Variants in BAZ2A observed in about 807,000 individuals in gnomAD.
BAZ2A encodes the protein bromodomain adjacent to zinc finger domain 2A, also known as bromodomain adjacent to zinc finger domain protein 2A.
BAZ2A carries 34 observed loss-of-function variants against 199.9 expected under a neutral mutation model. The ratio of observed to expected loss-of-function variants is 0.17; its 90% CI spans 0.13 to 0.23. BAZ2A has a LOEUF of 0.23. Among genes scored for constraint, BAZ2A ranks in the 10% least tolerant of loss-of-function variants. The pLI is 1.00. For synonymous variants in BAZ2A, 857 were observed against 883.9 expected (o/e 0.97, Z 0.54); for missense variants, 2,002 against 2,391.1 (o/e 0.84, Z 3.39).
At chr12:56,609,624 T>C in intron 10 of BAZ2A, 112 bp downstream of exon 10, 8 of 1,184,168 alleles carry the variant, frequency 6.8e-6, no homozygotes, top group East Asian at 2.6e-5. Context: ...AGATTCATTC[T>C]TCCCAGATAA....
chr12:56,636,041 CT>C, intron 1 of BAZ2A: 1 of 1,074,002 alleles, frequency 9.3e-7, no homozygotes. Context: ...TAGCTGAGCC[CT>C]GTGCCCCCCG....
In BAZ2A at chr12:56,625,318, G is replaced by C. The variant is rs1951052511; in HGVS notation, c.-3+4807C>G. Among the ~76,000 whole-genome samples, 3 of 151,524 alleles carry C rather than the reference G, an allele frequency of 2.0e-5. No homozygotes were observed. The South Asian group carries it at 6.2e-4, about 32-fold the overall frequency. The stretch of plus-strand genomic sequence containing the variant: ...TTACAGGCGCCCACCATCACACCCG[G>C]CTAATTTTCATATTTTTAGTAGAGA... On this transcript the variant is annotated intron_variant, in intron 1 of 28. Coordinates refer to ENST00000549884, the MANE Select transcript of BAZ2A (RefSeq NM_001300905.2).
At position 56,630,262 on chromosome 12, in the gene BAZ2A, G is replaced by C. The variant is rs952789716; in HGVS notation, c.-140C>G. 4.8e-5 allele frequency: 47 copies of C among 983,138 alleles called. No individual in the cohort carries two copies. The highest frequency in any genetic ancestry group is 5.3e-5 in the Non-Finnish European group (44 of 827,892). 60.9% of individuals were successfully genotyped at this position (983,138 alleles called of 1,614,324 possible). On this transcript the variant is annotated 5_prime_UTR_variant, in exon 1 of 29. Transcript: ENST00000549884. ...GGTCTGGGGTCCGGGGTTCGGGAAG[G>C]GGGAGGGGGACGCGGCTCAACCGCG...
intron 23 of BAZ2A, 29 bp downstream of exon 23, chr12:56,600,652 C>A (rs1886369117): frequency 6.2e-7 from 1 of 1,605,122 alleles, no homozygotes; most frequent in Non-Finnish European, 8.5e-7. Context: ...TTTCCCCAAC[C>A]TTCCTACACA....
At chr12:56,611,264 T>C (rs139811249) in intron 7 of BAZ2A, 1 of 470,750 alleles carries the variant, frequency 2.1e-6, no homozygotes, top group Admixed American at 3.9e-5. Context: ...TCCACAGAAA[T>C]AGGACAAGCC....
chr12:56,597,459 A>G lies in BAZ2A; in HGVS notation c.*1159T>C, dbSNP rs1410399254. On this transcript the variant is annotated 3_prime_UTR_variant, in exon 29 of 29. Coordinates refer to ENST00000549884, the MANE Select transcript of BAZ2A (RefSeq NM_001300905.2). Reference sequence around the variant, plus strand: ...AGAAATTGTTCCTGTGGTTTCCCAAAGACAAAAAAGTGATGGTTTTAAACA... The same window carrying G: ...AGAAATTGTTCCTGTGGTTTCCCAAGGACAAAAAAGTGATGGTTTTAAACA... 2 of 152,374 alleles carry G rather than the reference A, an allele frequency of 1.3e-5. No individual in the cohort carries two copies. Among genetic ancestry groups the G allele is most frequent in the Non-Finnish European group, 2.9e-5 (2 of 68,042 alleles). The allele number at this position is 152,374 out of a possible 1,614,324, so 9.4% of individuals were successfully genotyped here. A position where few individuals can be genotyped will look rare whatever the true frequency, so the allele number is the denominator to read the frequency against.
rs1437951164 is a variant in BAZ2A, at chr12:56,601,721, G to A, written c.3896C>T (p.Pro1299Leu). Residue 1299 changes from proline (P) to leucine (L), a missense_variant, in exon 20 of 29, where the codon CCA (proline) becomes CTA (leucine). Around this residue, in one of 6 missense-constraint regions of BAZ2A, gnomAD observed 1,081 missense variants for 1,274.7 expected, o/e 0.85. Coordinates refer to ENST00000549884, the MANE Select transcript of BAZ2A (RefSeq NM_001300905.2). ...CTCTGGCTCCTCCGGGGGTTGTGATGGAGCTGGGTCTAGTTTTCCCGGACT... is the reference window on the plus strand; with the variant it reads ...CTCTGGCTCCTCCGGGGGTTGTGATAGAGCTGGGTCTAGTTTTCCCGGACT... ...DSSPGKLDPA[P>L]SQPPEEPEPD... 6.2e-7 allele frequency: 1 copy of A among 1,614,002 alleles called. No individual in the cohort carries two copies. Among genetic ancestry groups the A allele is most frequent in the East Asian group, 2.2e-5 (1 of 44,888 alleles).
chr12:56,613,226 C>A lies in BAZ2A; in HGVS notation c.924G>T (p.Val308=), dbSNP rs776548816. ...CATCAATACCATATAGTCCTCCACTCACTGGCTCTGTTTACAAGGGTAGAA... is the reference window on the plus strand; with the variant it reads ...CATCAATACCATATAGTCCTCCACTAACTGGCTCTGTTTACAAGGGTAGAA... ...EPFNSLAPEP[V]SGGLYGIDDT... Residue 308 remains valine (V), a synonymous_variant, in exon 5 of 29, where the codon GTG becomes GTT. Coordinates refer to ENST00000549884, the MANE Select transcript of BAZ2A (RefSeq NM_001300905.2). 2.5e-6 allele frequency: 4 copies of A among 1,613,940 alleles called. No individual in the cohort carries two copies. The South Asian group carries it at 4.4e-5, about 18-fold the overall frequency.
At chr12:56,623,025 A>G (rs2137234666) in intron 1 of BAZ2A, among the ~76,000 whole-genome samples, 1 of 152,206 alleles carries the variant, frequency 6.6e-6, no homozygotes, top group East Asian at 1.9e-4. Context: ...TCACGAGGTC[A>G]AGAGATCGAG....
At position 56,610,533 on chromosome 12, in the gene BAZ2A, A is replaced by G. The variant is rs1389259994; in HGVS notation, c.1671-16T>C. 1 of 1,603,614 alleles carries G rather than the reference A, an allele frequency of 6.2e-7. No individual in the cohort carries two copies. Among genetic ancestry groups the G allele is most frequent in the African/African-American group, 1.3e-5 (1 of 74,716 alleles). On this transcript the variant is annotated splice_polypyrimidine_tract_variant and intron_variant, in intron 7 of 28. Transcript: ENST00000549884. ...TCTCCGCCACCTGCCAGAGAAGCAC[A>G]TGGGCCCTGCCGCCAGGTCACACCC...
At chr12:56,634,984 A>C, upstream of BAZ2A, 14 of 984,316 alleles carry the variant, frequency 1.4e-5, no homozygotes, top group Non-Finnish European at 1.7e-5. Context: ...CGGCGGCGGC[A>C]GAGGCGCAGG....
chr12:56,630,263 G>C lies in BAZ2A; in HGVS notation c.-141C>G. 2.0e-6 allele frequency: 2 copies of C among 983,138 alleles called. No homozygotes were observed. The highest frequency in any genetic ancestry group is 4.7e-5 in the South Asian group (1 of 21,256). The allele number at this position is 983,138 out of a possible 1,614,324, so 60.9% of individuals were successfully genotyped here. A position where few individuals can be genotyped will look rare whatever the true frequency, so the allele number is the denominator to read the frequency against. ...GTCTGGGGTCCGGGGTTCGGGAAGG[G>C]GGAGGGGGACGCGGCTCAACCGCGG... On this transcript the variant is annotated 5_prime_UTR_variant, in exon 1 of 29. Coordinates refer to ENST00000549884, the MANE Select transcript of BAZ2A (RefSeq NM_001300905.2).
In BAZ2A at chr12:56,596,610, CAGGGGAAAATTGCCA is replaced by C. The variant is rs1885863137; in HGVS notation, c.*1993_*2007del. The C allele has an allele frequency of 2.0e-5, 3 of 152,552 alleles. No individual in the cohort carries two copies. Among genetic ancestry groups the C allele is most frequent in the Middle Eastern group, 3.4e-3 (1 of 294 alleles). The allele number at this position is 152,552 out of a possible 1,614,324, so 9.4% of individuals were successfully genotyped here. A position where few individuals can be genotyped will look rare whatever the true frequency, so the allele number is the denominator to read the frequency against. ...GAAATTAATCTAGCACATCTTATAC[CAGGGGAAAATTGCCA>C]GGGGGAAAAAGCAGAGCCCCCAACT... On this transcript the variant is annotated 3_prime_UTR_variant, in exon 29 of 29. Transcript: ENST00000549884.
intron 16 of BAZ2A, 129 bp from the exon 17 acceptor site, chr12:56,603,829 A>G: frequency 9.9e-7 from 1 of 1,012,846 alleles, no homozygotes; most frequent in Non-Finnish European, 1.4e-6. Context: ...CCTGGCCAAC[A>G]TGGTGAAACC....
Position 56,606,638 on chromosome 12 carries a change from C to T in BAZ2A, c.2188G>A (p.Gly730Arg). ...ATCTCTCTGATGTCCCTCACCTGCC[C>T]TTGGATAGTAGTCTGACACTCTCCC... Reference protein sequence around the residue: ...QRGECQTTIQGQARNKRKQET... With the variant: ...QRGECQTTIQRQARNKRKQET... The change falls in exon 11 of 29, where the codon GGG (glycine) becomes AGG (arginine). Residue 730 changes from glycine to arginine, a missense_variant. Gly to Arg is a moderately radical substitution (Grantham distance 125, BLOSUM62 -2). Coordinates refer to ENST00000549884, the MANE Select transcript of BAZ2A (RefSeq NM_001300905.2). 2.5e-6 allele frequency: 4 copies of T among 1,613,598 alleles called. No individual in the cohort carries two copies. Among genetic ancestry groups the T allele is most frequent in the Non-Finnish European group, 3.4e-6 (4 of 1,179,580 alleles).
Position 56,635,552 on chromosome 12 carries a change from C to T in BAZ2A, c.4+630G>A, listed in dbSNP as rs1183679062. Among the ~76,000 whole-genome samples the T allele has an allele frequency of 1.3e-5, 2 of 152,202 alleles. No homozygotes were observed. The highest frequency in any genetic ancestry group is 1.3e-4 in the Admixed American group (2 of 15,284). ...TCCTATCCTCTCAACCTCAATCCTG[C>T]GTCCCACTCAGTGCCCTCAGTGACT... On this transcript the variant is annotated intron_variant, in intron 1 of 29. Coordinates refer to the BAZ2A transcript ENST00000379441. This position sits in a 1 kb window ranked among gnomAD's most constrained non-coding sequence, Gnocchi z 4.1.
intron 1 of BAZ2A, among the ~76,000 whole-genome samples, chr12:56,624,055 C>T (rs1225257998): frequency 3.3e-5 from 5 of 150,186 alleles, no homozygotes; most frequent in South Asian, 2.1e-4. Context: ...GACTGGCCTG[C>T]GCAACACAGT....
Position 56,606,244 on chromosome 12 carries a change from T to G in BAZ2A, c.2259+3A>C. The G allele has an allele frequency of 5.6e-6, 9 of 1,614,062 alleles. No homozygotes were observed. Among genetic ancestry groups the G allele is most frequent in the Non-Finnish European group, 7.6e-6 (9 of 1,179,892 alleles). On this transcript the variant is annotated splice_donor_region_variant and intron_variant, in intron 12 of 28. Coordinates refer to ENST00000549884, the MANE Select transcript of BAZ2A (RefSeq NM_001300905.2). ...TACTTGGCAAGTTTGTACATGCACC[T>G]ACCTTGGATTTCTTCTTAGCTTCCT...
Position 56,595,884 on chromosome 12 carries a change from C to T in BAZ2A, c.*2734G>A, listed in dbSNP as rs1032652166. The T allele has an allele frequency of 2.5e-5, 3 of 120,624 alleles. No homozygotes were observed. The Admixed American group carries it at 3.0e-4, about 12-fold the overall frequency. The allele number at this position is 120,624 out of a possible 1,614,324, so 7.5% of individuals were successfully genotyped here. A position where few individuals can be genotyped will look rare whatever the true frequency, so the allele number is the denominator to read the frequency against. On this transcript the variant is annotated 3_prime_UTR_variant, in exon 29 of 29. Coordinates refer to ENST00000549884, the MANE Select transcript of BAZ2A (RefSeq NM_001300905.2). ...TCATACCTATCCCAACGCCGTCTCC[C>T]CCTCAGGTGTGTAGAAGGGAAGATG... is the stretch of plus-strand genomic sequence containing the variant.
Sources: allele counts gnomAD v4.1 joint callset (sites outside exome capture counted in the v4.1 genomes callset), GRCh38; gene constraint gnomAD v4.1.1; regional missense constraint gnomAD v4.1.1; non-coding constraint Gnocchi (gnomAD v3.1); transcripts MANE v1.5; gene names NCBI Gene and HGNC (gene_info 2026-07-23, HGNC 2026-07-21).